The following ATP5PF variants were observed in gnomAD, a reference collection of about 807,000 sequenced individuals.
ATP5PF encodes the protein ATP synthase peripheral stalk subunit F6.
In ATP5PF, 7 loss-of-function variants were observed where a neutral mutation model predicts 12.0. The observed-to-expected ratio is 0.58, with a 90% CI of 0.33 to 1.10. The LOEUF (loss-of-function observed/expected upper bound fraction) is 1.10. Ranked by LOEUF, ATP5PF falls within the 50% of genes least tolerant of loss-of-function variation. The pLI, the probability that ATP5PF is intolerant of heterozygous loss-of-function variation, is 0.03. For missense variants in ATP5PF, 120 were observed against 127.7 expected, an observed-to-expected ratio of 0.94 and a Z score of 0.29; for synonymous variants, 41 against 45.4, an observed-to-expected ratio of 0.90 and a Z score of 0.39.
At chr21:25,730,733 T>TCA (rs202147354) in intron 1 of ATP5PF, among the ~76,000 whole-genome samples, 832 of 10,604 alleles carry the variant, frequency 0.078, 61 homozygotes, top group Non-Finnish European at 0.14. Flanking sequence ...AGACTCCGTC[T>TCA]CACAAAAAAA....
At chr21:25,735,015 C>T (rs1316548346), upstream of ATP5PF, 4 of 1,531,308 alleles carry the variant, frequency 2.6e-6, no homozygotes, top group African/African-American at 2.7e-5. Flanking sequence ...CGGAGACAGT[C>T]TGCGACCGGA....
chr21:25,725,794 A>G (rs1168246172), intron 2 of ATP5PF, among the ~76,000 whole-genome samples: 1 of 152,228 alleles, frequency 6.6e-6, no homozygotes, highest in African/African-American at 2.4e-5. Flanking sequence ...GAAAGAAAAT[A>G]AGTATTTCTA....
At position 25,734,716 on chromosome 21, in the gene ATP5PF, G is replaced by A. The variant is rs17001340; in HGVS notation, c.-8+137C>T. On this transcript the variant is annotated intron_variant, in intron 1 of 3. Transcript: ENST00000284971. Reference sequence around the variant, plus strand: ...AACGTAGAGGTCAGCTGTGACCCCGGGCCAGGCCGTGAAGGTCCCCAGGAC... The same window carrying A: ...AACGTAGAGGTCAGCTGTGACCCCGAGCCAGGCCGTGAAGGTCCCCAGGAC... The A allele has an allele frequency of 5.8e-6, 5 of 866,588 alleles. No individual in the cohort carries two copies. In the East Asian group the frequency reaches 1.1e-4, roughly 19 times the overall value. 53.7% of individuals were successfully genotyped at this position (866,588 alleles called of 1,614,324 possible).
chr21:25,725,628 G>A (rs1240382295), intron 2 of ATP5PF, among the ~76,000 whole-genome samples: 1 of 151,852 alleles, frequency 6.6e-6, no homozygotes, highest in Non-Finnish European at 1.5e-5. Context: ...TTAGTAGAGA[G>A]GGGGTTTCAC....
intron 2 of ATP5PF, among the ~76,000 whole-genome samples, chr21:25,727,104 G>C (rs1044971971): frequency 2.0e-5 from 3 of 152,158 alleles, no homozygotes; most frequent in African/African-American, 4.8e-5. Context: ...GAGAAAATGA[G>C]AAACTGAATT....
chr21:25,733,578 A>C (rs528152574), intron 1 of ATP5PF, among the ~76,000 whole-genome samples: 1 of 150,756 alleles, frequency 6.6e-6, no homozygotes, highest in Non-Finnish European at 1.5e-5. Context: ...CTTAACACAT[A>C]TATGCAAAAA....
At chr21:25,732,553 G>A (rs1292822195) in intron 1 of ATP5PF, among the ~76,000 whole-genome samples, 1 of 151,826 alleles carries the variant, frequency 6.6e-6, no homozygotes, top group Non-Finnish European at 1.5e-5. Context: ...GGCTGAGGCT[G>A]GAGGATCACT....
intron 2 of ATP5PF, among the ~76,000 whole-genome samples, chr21:25,728,161 A>T (rs575288773): frequency 6.6e-6 from 1 of 152,282 alleles, no homozygotes; most frequent in African/African-American, 2.4e-5. Context: ...CATTTTGCTA[A>T]CATGTCTGTC....
At chr21:25,727,320 G>A in intron 2 of ATP5PF, among the ~76,000 whole-genome samples, 1 of 152,270 alleles carries the variant, frequency 6.6e-6, no homozygotes, top group Middle Eastern at 3.4e-3. Flanking sequence ...TGTAAGTCTT[G>A]CTGCTTATCT....
rs1397496662 is a variant in ATP5PF at position 25,734,765 on chromosome 21, T to G, written c.-8+88A>C. On this transcript the variant is annotated intron_variant, in intron 1 of 3. Coordinates refer to ENST00000284971, the MANE Select transcript of ATP5PF (RefSeq NM_001003703.2). ...ACACAGAGCTGCTCTCTCCTCCTAG[T>G]AAAGGTGAGAGGCAGCCCAGGCCTC... 3.0e-6 allele frequency: 4 copies of G among 1,312,486 alleles called. No individual in the cohort carries two copies. In the East Asian group the frequency reaches 1.0e-4, roughly 33 times the overall value. The allele number at this position is 1,312,486 out of a possible 1,614,324, so 81.3% of individuals were successfully genotyped here.
chr21:25,733,742 C>T (rs1360986322), intron 1 of ATP5PF, among the ~76,000 whole-genome samples: 1 of 152,182 alleles, frequency 6.6e-6, no homozygotes, highest in Non-Finnish European at 1.5e-5. Flanking sequence ...CAGCAATACT[C>T]TCAAAGAGTT....
intron 2 of ATP5PF, among the ~76,000 whole-genome samples, 156 bp downstream of exon 2, chr21:25,729,475 T>C (rs926953642): frequency 2.0e-5 from 3 of 152,220 alleles, no homozygotes; most frequent in African/African-American, 7.2e-5. Context: ...ATCAAGATCC[T>C]TATCTTCTTT....
chr21:25,733,788 C>T (rs1480243010), intron 1 of ATP5PF, among the ~76,000 whole-genome samples: 1 of 152,194 alleles, frequency 6.6e-6, no homozygotes, highest in Non-Finnish European at 1.5e-5. Flanking sequence ...GATGATAAAA[C>T]TGTATCTAAG....
Position 25,724,686 on chromosome 21 carries a change from A to G in ATP5PF, c.290-9T>C, listed in dbSNP as rs1460104947. 2 of 1,596,262 alleles carry G rather than the reference A, an allele frequency of 1.3e-6. No homozygotes were observed. Among genetic ancestry groups the G allele is most frequent in the African/African-American group, 1.4e-5 (1 of 73,582 alleles). On this transcript the variant is annotated splice_polypyrimidine_tract_variant and intron_variant, in intron 3 of 3. Transcript: ENST00000284971. ...GACTTCAAATTTGGGATCTAAGAAG[A>G]GGGGGAAAAAAGGGTCAAGCTTAGC...
intron 2 of ATP5PF, among the ~76,000 whole-genome samples, chr21:25,726,258 A>T (rs141588797): frequency 7.1e-4 from 108 of 152,316 alleles, no homozygotes; most frequent in African/African-American, 2.6e-3. Flanking sequence ...TAAAGAAGCA[A>T]ATTATTTCCT....
intron 1 of ATP5PF, 111 bp from the exon 2 acceptor site, chr21:25,729,912 A>G: frequency 1.1e-5 from 14 of 1,246,486 alleles, no homozygotes; most frequent in Non-Finnish European, 1.5e-5. Context: ...ATCATATCAG[A>G]TCTCAGTCTA....
At chr21:25,730,736 CAAAAAAAAAAAAAAAAAAAAAAA>C (rs71183508) in intron 1 of ATP5PF, among the ~76,000 whole-genome samples, 1,000 of 31,922 alleles carry the variant, frequency 0.031, 22 homozygotes, top group African/African-American at 0.083. Context: ...CTCCGTCTCA[CAAAAAAAAAAAAAAAAAAAAAAA>C]AAAAAAAAAA....
chr21:25,729,248 C>T (rs1403643490), intron 2 of ATP5PF, among the ~76,000 whole-genome samples: 2 of 152,080 alleles, frequency 1.3e-5, no homozygotes, highest in Non-Finnish European at 2.9e-5. Flanking sequence ...ATATATTTTT[C>T]CCCAATTAGT....
chr21:25,725,097 C>T (rs1270428450), intron 3 of ATP5PF, 129 bp downstream of exon 3: 1 of 1,262,660 alleles, frequency 7.9e-7, no homozygotes, highest in Non-Finnish European at 1.1e-6. Context: ...GGCAGCTTCT[C>T]AGGCACACGT....
Sources: gnomAD v4.1 joint callset for allele counts (sites outside exome capture counted in the v4.1 genomes callset) on GRCh38, gnomAD v4.1.1 for gene constraint, MANE v1.5 for transcripts, NCBI Gene and HGNC (gene_info 2026-07-23, HGNC 2026-07-21) for gene names.